Variants in SRXN1 observed in about 807,000 individuals in gnomAD.
SRXN1 encodes sulfiredoxin 1.
In SRXN1, 11 loss-of-function variants were observed where a neutral mutation model predicts 11.0. That is an observed-to-expected ratio of 1.00 (90% CI 0.63 to 1.65). The LOEUF is 1.65. Among genes scored for constraint, SRXN1 ranks in the 40% most tolerant of loss-of-function variants. SRXN1 has a pLI of 0.00. For synonymous variants in SRXN1, 106 were observed against 92.8 expected, an observed-to-expected ratio of 1.14 and a Z score of -0.82; for missense variants, 211 against 194.5, an observed-to-expected ratio of 1.08 and a Z score of -0.50.
chr20:646,883 G>A lies in SRXN1; in HGVS notation c.*1831C>T, dbSNP rs563069697. The A allele has an allele frequency of 1.3e-5, 2 of 152,262 alleles. No individual in the cohort carries two copies. The highest frequency in any genetic ancestry group is 3.9e-4 in the East Asian group (2 of 5,178). The allele number at this position is 152,262 out of a possible 1,614,324, so 9.4% of individuals were successfully genotyped here. A position where few individuals can be genotyped will look rare whatever the true frequency, so the allele number is the denominator to read the frequency against. The stretch of plus-strand genomic sequence containing the variant: ...ATCCAGGATGCCACATTGCACTGAA[G>A]ACACTCTCCCTTTTCAATTCTATTA... On this transcript the variant is annotated 3_prime_UTR_variant, in exon 2 of 2. Coordinates refer to ENST00000381962, the MANE Select transcript of SRXN1 (RefSeq NM_080725.3).
chr20:648,376 T>C lies in SRXN1; in HGVS notation c.*338A>G, dbSNP rs1431454185. The C allele has an allele frequency of 4.0e-6, 2 of 505,034 alleles. No individual in the cohort carries two copies. Among genetic ancestry groups the C allele is most frequent in the African/African-American group, 3.8e-5 (2 of 52,110 alleles). The allele number at this position is 505,034 out of a possible 1,614,324, so 31.3% of individuals were successfully genotyped here. On this transcript the variant is annotated 3_prime_UTR_variant, in exon 2 of 2. Transcript: ENST00000381962. ...TTTCCTTGCAGCTGAATGTAGTCCATATAAGAGGTTACATAGACAAAAATG... is the reference window on the plus strand; with the variant it reads ...TTTCCTTGCAGCTGAATGTAGTCCACATAAGAGGTTACATAGACAAAAATG...
In SRXN1 at chr20:652,973, C is replaced by CA. The variant is rs778850222; in HGVS notation, c.210+2dup. 6.7e-7 allele frequency: 1 copy of CA among 1,500,020 alleles called. No homozygotes were observed. The allele number at this position is 1,500,020 out of a possible 1,614,324, so 92.9% of individuals were successfully genotyped here. On this transcript the variant is annotated splice_region_variant and intron_variant, in intron 1 of 1. Transcript: ENST00000381962. ...CGGTTGGCTGGACTCCCCGAGGCCT[C>CA]ACCCGGATCGTGTCCACGAGGCTCT...
At chr20:651,302 C>G (rs922940381) in intron 1 of SRXN1, among the ~76,000 whole-genome samples, 7 of 152,166 alleles carry the variant, frequency 4.6e-5, no homozygotes, top group African/African-American at 1.7e-4. Context: ...TGGTAACTTA[C>G]AGTGGCCCCA....
Position 653,187 on chromosome 20 carries a change from G to A in SRXN1, c.-2C>T, listed in dbSNP as rs1426305103. 1.5e-5 allele frequency: 19 copies of A among 1,235,772 alleles called. No individual in the cohort carries two copies. The highest frequency in any genetic ancestry group is 1.9e-5 in the Non-Finnish European group (19 of 990,654). The allele number at this position is 1,235,772 out of a possible 1,614,324, so 76.6% of individuals were successfully genotyped here. A position where few individuals can be genotyped will look rare whatever the true frequency, so the allele number is the denominator to read the frequency against. The stretch of plus-strand genomic sequence containing the variant: ...CGTTCCTCCTGCACGCAGCCCCATC[G>A]TCGCCGCCGCCGCGGGACTCGCCGC... On this transcript the variant is annotated 5_prime_UTR_variant, in exon 1 of 2. It adds an upstream start codon to the 5' untranslated region. Transcript: ENST00000381962.
chr20:648,577 G>C lies in SRXN1; in HGVS notation c.*137C>G. On this transcript the variant is annotated 3_prime_UTR_variant, in exon 2 of 2. Transcript: ENST00000381962. ...GTCCAAGGCCTTGTAGCTGGTGAGA[G>C]GGGTGCCCAGAGTCAGACCCTCTCG... is the stretch of plus-strand genomic sequence containing the variant. 2.1e-6 allele frequency: 2 copies of C among 960,342 alleles called. No homozygotes were observed. Among genetic ancestry groups the C allele is most frequent in the Non-Finnish European group, 3.2e-6 (2 of 622,318 alleles). The allele number at this position is 960,342 out of a possible 1,614,324, so 59.5% of individuals were successfully genotyped here.
chr20:652,457 A>G (rs969839707), intron 1 of SRXN1, among the ~76,000 whole-genome samples: 1 of 152,156 alleles, frequency 6.6e-6, no homozygotes, highest in African/African-American at 2.4e-5. Context: ...AGGGCCTCCC[A>G]GCAGATATGA....
At position 653,035 on chromosome 20, in the gene SRXN1, G is replaced by A. The variant is rs1437923605; in HGVS notation, c.151C>T (p.Arg51Trp). ...GGGTCCAACACGGACGGCAGCGGCC[G>A]GATGAGCACGCTCAGCGGCACGTTG... is the stretch of plus-strand genomic sequence containing the variant. ...VHNVPLSVLI[R>W]PLPSVLDPAK... Residue 51 changes from arginine to tryptophan, a missense_variant, in exon 1 of 2, where the codon CGG becomes TGG. By Grantham distance (101) the Arg-to-Trp change is moderately radical. Coordinates refer to ENST00000381962, the MANE Select transcript of SRXN1 (RefSeq NM_080725.3). The A allele has an allele frequency of 2.5e-6, 4 of 1,569,640 alleles. No individual in the cohort carries two copies. The highest frequency in any genetic ancestry group is 1.4e-5 in the African/African-American group (1 of 73,334).
chr20:648,980 C>G, intron 1 of SRXN1, 63 bp from the exon 2 acceptor site: 1 of 1,560,802 alleles, frequency 6.4e-7, no homozygotes, highest in South Asian at 1.1e-5. Context: ...GTAAAGCAGA[C>G]TTTGTCCACT....
intron 1 of SRXN1, among the ~76,000 whole-genome samples, chr20:651,284 CA>C (rs1983664827): frequency 6.6e-6 from 1 of 152,198 alleles, no homozygotes. Context: ...TTTAAGCCAT[CA>C]ACTTTGTGGT....
chr20:647,937 A>G lies in SRXN1; in HGVS notation c.*777T>C, dbSNP rs1317218278. 7.7e-6 allele frequency: 3 copies of G among 391,064 alleles called. No individual in the cohort carries two copies. The highest frequency in any genetic ancestry group is 1.5e-5 in the Non-Finnish European group (3 of 195,214). The allele number at this position is 391,064 out of a possible 1,614,324, so 24.2% of individuals were successfully genotyped here. A position where few individuals can be genotyped will look rare whatever the true frequency, so the allele number is the denominator to read the frequency against. Reference sequence around the variant, plus strand: ...TCAGTAGATGGAACACGATTGGTCTATTCAGCCATGACAATTCTGTTCCCT... The same window carrying G: ...TCAGTAGATGGAACACGATTGGTCTGTTCAGCCATGACAATTCTGTTCCCT... On this transcript the variant is annotated 3_prime_UTR_variant, in exon 2 of 2. Coordinates refer to ENST00000381962, the MANE Select transcript of SRXN1 (RefSeq NM_080725.3).
intron 1 of SRXN1, among the ~76,000 whole-genome samples, chr20:649,888 TG>T (rs1568639799): frequency 6.6e-6 from 1 of 152,150 alleles, no homozygotes; most frequent in Admixed American, 6.5e-5. Context: ...TTGGGTTAAA[TG>T]GGTTAATATA....
In SRXN1 at chr20:648,191, T is replaced by A. The variant is rs1450804834; in HGVS notation, c.*523A>T. Reference sequence around the variant, plus strand: ...GGATACAGCAGCCATCTTGGGACCATGAAGTAACGAGCACTGAGATTAAGG... The same window carrying A: ...GGATACAGCAGCCATCTTGGGACCAAGAAGTAACGAGCACTGAGATTAAGG... On this transcript the variant is annotated 3_prime_UTR_variant, in exon 2 of 2. Coordinates refer to ENST00000381962, the MANE Select transcript of SRXN1 (RefSeq NM_080725.3). 1 of 456,288 alleles carries A rather than the reference T, an allele frequency of 2.2e-6. No homozygotes were observed. The highest frequency in any genetic ancestry group is 4.4e-6 in the Non-Finnish European group (1 of 226,972). The allele number at this position is 456,288 out of a possible 1,614,324, so 28.3% of individuals were successfully genotyped here. A position where few individuals can be genotyped will look rare whatever the true frequency, so the allele number is the denominator to read the frequency against.
At chr20:649,073 G>C (rs1473570319) in intron 1 of SRXN1, among the ~76,000 whole-genome samples, 156 bp from the exon 2 acceptor site, 2 of 152,210 alleles carry the variant, frequency 1.3e-5, no homozygotes, top group African/African-American at 4.8e-5. Context: ...TGAGCTGTTC[G>C]ACATCACCTT....
chr20:653,171 T>C lies in SRXN1; in HGVS notation c.15A>G (p.Ala5=), dbSNP rs11905119. MGLR[A]GGTLGRAGAG... ...CGCCGGCCCTGCCCAGCGTTCCTCC[T>C]GCACGCAGCCCCATCGTCGCCGCCG... Residue 5 remains alanine, a synonymous_variant, in exon 1 of 2, where the codon GCA becomes GCG. Transcript: ENST00000381962. 34,959 of 1,262,726 alleles carry C rather than the reference T, an allele frequency of 0.028. 1,636 individuals are homozygous for C. The highest frequency in any genetic ancestry group is 0.17 in the African/African-American group (10,890 of 63,046). 78.2% of individuals were successfully genotyped at this position (1,262,726 alleles called of 1,614,324 possible).
Position 650,706 on chromosome 20 carries a change from G to A in SRXN1, c.211-1789C>T, listed in dbSNP as rs185005064. Among the ~76,000 whole-genome samples the A allele has an allele frequency of 1.3e-3, 196 of 152,336 alleles. 1 individual carries two copies. The highest frequency in any genetic ancestry group is 6.8e-3 in the Middle Eastern group (2 of 294). ...CAGCAGCTGGGGCACACAGCCCTCT[G>A]AACACCATTCCTCACCTGTAAACTG... On this transcript the variant is annotated intron_variant, in intron 1 of 1. Coordinates refer to ENST00000381962, the MANE Select transcript of SRXN1 (RefSeq NM_080725.3).
At chr20:652,543 T>G (rs921977717) in intron 1 of SRXN1, among the ~76,000 whole-genome samples, 3 of 152,230 alleles carry the variant, frequency 2.0e-5, no homozygotes, top group Admixed American at 6.5e-5. Flanking sequence ...GCGGTGGCCA[T>G]GTGCTGGGCA....
chr20:650,003 C>A lies in SRXN1; in HGVS notation c.211-1086G>T, dbSNP rs115842231. 9.5e-3 allele frequency among the ~76,000 whole-genome samples: 1,442 copies of A among 152,280 alleles called. 27 individuals are homozygous for A. Among genetic ancestry groups the A allele is most frequent in the African/African-American group, 0.031 (1,306 of 41,552 alleles). ...TTCCATGCAAAGGGAACAGCAAACGCAAAGGACTTGAAACCAGAGCACGTT... is the reference window on the plus strand; with the variant it reads ...TTCCATGCAAAGGGAACAGCAAACGAAAAGGACTTGAAACCAGAGCACGTT... On this transcript the variant is annotated intron_variant, in intron 1 of 1. Transcript: ENST00000381962.
intron 1 of SRXN1, 109 bp from the exon 2 acceptor site, chr20:649,026 T>C: frequency 8.8e-7 from 1 of 1,139,348 alleles, no homozygotes; most frequent in Non-Finnish European, 1.3e-6. Context: ...CACACTGGAC[T>C]ACTGTGAGAG....
intron 1 of SRXN1, among the ~76,000 whole-genome samples, chr20:652,526 G>A (rs1254549463): frequency 1.3e-5 from 2 of 152,130 alleles, no homozygotes; most frequent in Non-Finnish European, 2.9e-5. Flanking sequence ...GCTTATCTCC[G>A]GGTAGTGCGG....
Sources: allele counts gnomAD v4.1 joint callset (sites outside exome capture counted in the v4.1 genomes callset), GRCh38; gene constraint gnomAD v4.1.1; transcripts MANE v1.5; gene names NCBI Gene and HGNC (gene_info 2026-07-23, HGNC 2026-07-21).